DACH1: variants seen among roughly 807,000 people sequenced by gnomAD.
DACH1 encodes the protein dachshund family transcription factor 1.
In DACH1, 12 loss-of-function variants were observed where a neutral mutation model predicts 54.2. That is an observed-to-expected ratio of 0.22 (90% CI 0.14 to 0.36). The LOEUF is 0.36. DACH1 is among the 10% of genes least tolerant of loss of function. The pLI, the probability that DACH1 is intolerant of heterozygous loss-of-function variation, is 1.00. For synonymous variants in DACH1, 386 were observed against 366.2 expected (o/e 1.05, Z -0.62); for missense variants, 805 against 929.8 (o/e 0.87, Z 1.75).
chr13:71,567,164 A>G lies in DACH1; in HGVS notation c.1299+5676T>C, dbSNP rs150346993. ...CACACACACATGCACAGACACACAC[A>G]GAGACACATAACAGATCAGCAAAGA... On this transcript the variant is annotated intron_variant, in intron 4 of 10. Transcript: ENST00000613252. Among the ~76,000 whole-genome samples the G allele has an allele frequency of 2.3e-3, 343 of 152,228 alleles. 1 individual carries two copies. The highest frequency in any genetic ancestry group is 3.4e-3 in the Non-Finnish European group (233 of 67,956).
intron 6 of DACH1, among the ~76,000 whole-genome samples, chr13:71,549,115 A>C (rs1375462590): frequency 6.6e-6 from 1 of 152,092 alleles, no homozygotes; most frequent in African/African-American, 2.4e-5. Flanking sequence ...GGAAAAAAAA[A>C]CTAGAGATAA....
intron 1 of DACH1, among the ~76,000 whole-genome samples, chr13:71,687,624 T>C (rs1244648310): frequency 6.6e-6 from 1 of 152,204 alleles, no homozygotes. Flanking sequence ...TTTTTGTTTT[T>C]TGACACAAGG....
rs17206825 is a variant in DACH1, at chr13:71,643,504, C to T, written c.965-12787G>A. 3.0e-3 allele frequency among the ~76,000 whole-genome samples: 461 copies of T among 152,304 alleles called. 2 individuals are homozygous for T. Among genetic ancestry groups the T allele is most frequent in the African/African-American group, 0.01 (425 of 41,566 alleles). ...AAAAGCAATAGATTCTCAGTCCACA[C>T]GGAGTCTGTTGCATTATTCATTTCA... On this transcript the variant is annotated intron_variant, in intron 2 of 10. Transcript: ENST00000613252.
At chr13:71,484,933 G>A (rs1307224392) in intron 7 of DACH1, among the ~76,000 whole-genome samples, 1 of 151,944 alleles carries the variant, frequency 6.6e-6, no homozygotes, top group Admixed American at 6.6e-5. Context: ...GTTTGGTGGT[G>A]GGAGGCTACT....
intron 1 of DACH1, among the ~76,000 whole-genome samples, chr13:71,797,583 T>C (rs1397435556): frequency 1.3e-5 from 2 of 152,096 alleles, no homozygotes; most frequent in East Asian, 1.9e-4. Flanking sequence ...TAGAGGCCTA[T>C]GGGGAGACAC....
chr13:71,600,226 C>T (rs1874396345), intron 3 of DACH1, among the ~76,000 whole-genome samples: 1 of 151,980 alleles, frequency 6.6e-6, no homozygotes, highest in Non-Finnish European at 1.5e-5. Flanking sequence ...AGTAGCTTGC[C>T]CAAGGCAAGA....
intron 1 of DACH1, among the ~76,000 whole-genome samples, chr13:71,808,748 G>T (rs1310506758): frequency 6.6e-6 from 1 of 152,132 alleles, no homozygotes; most frequent in Non-Finnish European, 1.5e-5. Context: ...TTCAAAAAAT[G>T]CAAGTAAGAC....
chr13:71,483,857 A>T (rs1316439658), intron 7 of DACH1, among the ~76,000 whole-genome samples: 3 of 152,150 alleles, frequency 2.0e-5, no homozygotes, highest in Non-Finnish European at 4.4e-5. Context: ...AATCTGCTAT[A>T]CAGGTACATA....
At chr13:71,772,977 C>T (rs1480650975) in intron 1 of DACH1, among the ~76,000 whole-genome samples, 2 of 151,718 alleles carry the variant, frequency 1.3e-5, no homozygotes, top group East Asian at 1.9e-4. Flanking sequence ...TATTGAAATG[C>T]CCACCCAATT....
intron 10 of DACH1, among the ~76,000 whole-genome samples, chr13:71,456,802 G>A (rs1875601579): frequency 6.6e-6 from 1 of 151,986 alleles, no homozygotes; most frequent in Admixed American, 6.6e-5. Context: ...TCAGGTTTTG[G>A]TAGCATCGTG....
At chr13:71,552,828 T>G (rs1224598161) in intron 6 of DACH1, among the ~76,000 whole-genome samples, 17 of 46,144 alleles carry the variant, frequency 3.7e-4, no homozygotes, top group Non-Finnish European at 4.9e-4. Flanking sequence ...TATATATATA[T>G]ATATATATAT....
At chr13:71,623,960 G>A (rs1250082884) in intron 3 of DACH1, among the ~76,000 whole-genome samples, 1 of 151,720 alleles carries the variant, frequency 6.6e-6, no homozygotes, top group Non-Finnish European at 1.5e-5. Flanking sequence ...TTTCACATTA[G>A]ACTCTAATTC....
At chr13:71,673,548 A>G (rs1880337919) in intron 2 of DACH1, among the ~76,000 whole-genome samples, 1 of 152,034 alleles carries the variant, frequency 6.6e-6, no homozygotes, top group Non-Finnish European at 1.5e-5. Flanking sequence ...AGGAATTGTA[A>G]AGAGTAATAT....
chr13:71,529,185 T>G (rs1882231390), intron 6 of DACH1, among the ~76,000 whole-genome samples: 1 of 4,802 alleles, frequency 2.1e-4, no homozygotes, highest in Non-Finnish European at 3.4e-3. Context: ...TGATTTGGGT[T>G]TTTTTTTTTT....
At chr13:71,865,266 C>A (rs962003872) in intron 1 of DACH1, among the ~76,000 whole-genome samples, 57 of 152,294 alleles carry the variant, frequency 3.7e-4, no homozygotes, top group Non-Finnish European at 1.8e-4. Context: ...GAGCTCAAGT[C>A]CCCGGAGCCC....
At chr13:71,789,588 A>G (rs1044836141) in intron 1 of DACH1, among the ~76,000 whole-genome samples, 5 of 152,236 alleles carry the variant, frequency 3.3e-5, no homozygotes, top group Non-Finnish European at 7.4e-5. Context: ...GTAAGAGTAC[A>G]TTATAAATAT....
chr13:71,748,908 CTTTCTTTCTTTCTTTCTTTCTT>C (rs1884779250), intron 1 of DACH1, among the ~76,000 whole-genome samples: 1 of 30,870 alleles, frequency 3.2e-5, no homozygotes, highest in African/African-American at 7.9e-5. Flanking sequence ...CTCTTTCTTT[CTTTCTTTCTTTCTTTCTTTCTT>C]TCTTTCTTTC....
chr13:71,663,033 G>A (rs1313846275), intron 2 of DACH1, among the ~76,000 whole-genome samples: 1 of 151,748 alleles, frequency 6.6e-6, no homozygotes, highest in African/African-American at 2.4e-5. Context: ...TTTTGAAATA[G>A]TTATGAATAT....
At chr13:71,550,926 G>A (rs1883772977) in intron 6 of DACH1, among the ~76,000 whole-genome samples, 2 of 152,060 alleles carry the variant, frequency 1.3e-5, no homozygotes, top group African/African-American at 4.8e-5. Context: ...TATAAGTAAA[G>A]GAGAAGTTGC....
Sources: allele counts gnomAD v4.1 joint callset (sites outside exome capture counted in the v4.1 genomes callset), GRCh38; gene constraint gnomAD v4.1.1; transcripts MANE v1.5; gene names NCBI Gene and HGNC (gene_info 2026-07-23, HGNC 2026-07-21).